Variants in VPS13A observed in about 807,000 individuals in gnomAD.
VPS13A encodes intermembrane lipid transfer protein VPS13A.
Under a neutral mutation model 390.9 loss-of-function variants are expected in VPS13A, and 264 were observed. That is an observed-to-expected ratio of 0.68 (90% CI 0.61 to 0.75). VPS13A has a LOEUF of 0.75. VPS13A is among the 30% of genes least tolerant of loss of function. The probability of loss-of-function intolerance (pLI) is 0.00; values close to 1 mark genes in which losing one functional copy is unlikely to be tolerated. For missense variants in VPS13A, 3,409 were observed against 3,733.9 expected, an observed-to-expected ratio of 0.91 and a Z score of 2.27; for synonymous variants, 1,231 against 1,227.1, an observed-to-expected ratio of 1.00 and a Z score of -0.07.
At chr9:77,202,163 T>G (rs1825368315) in intron 3 of VPS13A, among the ~76,000 whole-genome samples, 2 of 152,238 alleles carry the variant, frequency 1.3e-5, no homozygotes, top group South Asian at 4.1e-4. Context: ...ATAAAGGTCT[T>G]CATAATTATG....
At chr9:77,281,630 G>A (rs1026514228) in intron 27 of VPS13A, among the ~76,000 whole-genome samples, 3 of 151,838 alleles carry the variant, frequency 2.0e-5, no homozygotes, top group East Asian at 1.9e-4. Context: ...ATGATAGTAC[G>A]TAACATTTAT....
chr9:77,250,302 ACCTT>A (rs1825080971), intron 21 of VPS13A, 73 bp downstream of exon 21: 1 of 1,527,324 alleles, frequency 6.5e-7, no homozygotes, highest in Admixed American at 1.7e-5. Flanking sequence ...CACTTTGAAG[ACCTT>A]CCTCTTAAAT....
intron 61 of VPS13A, 126 bp from the exon 62 acceptor site, chr9:77,367,929 A>G: frequency 2.3e-6 from 2 of 861,074 alleles, no homozygotes; most frequent in South Asian, 1.5e-5. Context: ...CCTGATTGGC[A>G]TGGGAAAATG....
chr9:77,341,929 G>C (rs1830849367), intron 50 of VPS13A, among the ~76,000 whole-genome samples: 1 of 151,554 alleles, frequency 6.6e-6, no homozygotes, highest in Non-Finnish European at 1.5e-5. Flanking sequence ...GGGTATAAGG[G>C]GAAACATTAA....
intron 18 of VPS13A, 23 bp downstream of exon 18, chr9:77,238,214 A>C: frequency 6.2e-7 from 1 of 1,607,850 alleles, no homozygotes; most frequent in Non-Finnish European, 8.5e-7. Context: ...TTAAATTACT[A>C]AGTTTTAATA....
chr9:77,387,779 A>C (rs752736318), intron 68 of VPS13A, among the ~76,000 whole-genome samples: 1 of 152,244 alleles, frequency 6.6e-6, no homozygotes, highest in Non-Finnish European at 1.5e-5. Context: ...TTCAAAACAC[A>C]TATCACTGAT....
At chr9:77,229,297 C>G (rs1823692403) in intron 17 of VPS13A, among the ~76,000 whole-genome samples, 1 of 152,100 alleles carries the variant, frequency 6.6e-6, no homozygotes, top group Admixed American at 6.6e-5. Flanking sequence ...CCAGGCTGGT[C>G]TGGAGCTTGT....
chr9:77,322,916 A>G lies in VPS13A; in HGVS notation c.5831-151A>G, dbSNP rs1482806374. On this transcript the variant is annotated intron_variant, in intron 44 of 71. Coordinates refer to ENST00000360280, the MANE Select transcript of VPS13A (RefSeq NM_033305.3). The stretch of plus-strand genomic sequence containing the variant: ...CTGTGGAAATATATGCTGGCTTCTT[A>G]AAATATCCCTTTTATGGACTATATC... 3 of 615,704 alleles carry G rather than the reference A, an allele frequency of 4.9e-6. No homozygotes were observed. The African/African-American group carries it at 5.5e-5, about 11-fold the overall frequency. 38.1% of individuals were successfully genotyped at this position (615,704 alleles called of 1,614,324 possible).
chr9:77,182,168 A>G (rs1011240000), intron 1 of VPS13A, among the ~76,000 whole-genome samples: 2 of 152,158 alleles, frequency 1.3e-5, no homozygotes, highest in African/African-American at 4.8e-5. Flanking sequence ...ATCTCGGCTC[A>G]CTGCAACCTC....
rs72744208 is a variant in VPS13A at position 77,252,594 on chromosome 9, T to C, written c.2288+242T>C. ...CATCACCACCATTCATTTCCAGAAC[T>C]GTTTCTCTTCCAAACTGAAACTCTG... is the stretch of plus-strand genomic sequence containing the variant. On this transcript the variant is annotated intron_variant, in intron 22 of 71. Coordinates refer to ENST00000360280, the MANE Select transcript of VPS13A (RefSeq NM_033305.3). Among the ~76,000 whole-genome samples, 8,432 of 152,284 alleles carry C rather than the reference T, an allele frequency of 0.055. 340 individuals are homozygous for C. The highest frequency in any genetic ancestry group is 0.12 in the South Asian group (567 of 4,814).
chr9:77,234,341 T>C (rs1468373926), intron 17 of VPS13A, among the ~76,000 whole-genome samples: 1 of 152,102 alleles, frequency 6.6e-6, no homozygotes, highest in African/African-American at 2.4e-5. Flanking sequence ...CATACCTGGC[T>C]AAAGATTATT....
intron 1 of VPS13A, among the ~76,000 whole-genome samples, chr9:77,193,527 A>T (rs1824808007): frequency 1.3e-5 from 2 of 152,282 alleles, no homozygotes; most frequent in East Asian, 3.9e-4. Flanking sequence ...CTAGTTACCC[A>T]GGAAGCTGAG....
intron 35 of VPS13A, 111 bp from the exon 36 acceptor site, chr9:77,313,881 T>G (rs1044117011): frequency 2.7e-4 from 315 of 1,181,764 alleles, no homozygotes; most frequent in South Asian, 8.8e-4. Flanking sequence ...TTTTCTTGAA[T>G]GTCATTTTAC....
rs34605855 is a variant in VPS13A, at chr9:77,400,223, A to ATTTTTTTTT, written c.9190-2999_9190-2991dup. ...ATATTTTCTCATGTTTATCAGTCAG[A>ATTTTTTTTT]TTTTTTTTTTTTTTTTTTTTTTGCT... On this transcript the variant is annotated intron_variant, in intron 68 of 71. Transcript: ENST00000360280. 1.0e-3 allele frequency among the ~76,000 whole-genome samples: 90 copies of ATTTTTTTTT among 88,100 alleles called. 2 individuals carry two copies. The highest frequency in any genetic ancestry group is 4.2e-3 in the African/African-American group (83 of 19,596). 57.8% of individuals were successfully genotyped at this position (88,100 alleles called of 152,430 possible). A position where few individuals can be genotyped will look rare whatever the true frequency, so the allele number is the denominator to read the frequency against.
At chr9:77,351,586 T>C in intron 53 of VPS13A, 140 bp downstream of exon 53, 1 of 1,097,182 alleles carries the variant, frequency 9.1e-7, no homozygotes, top group Non-Finnish European at 1.4e-6. Flanking sequence ...GCCTGGCCAA[T>C]AAGGTGAAAC....
At chr9:77,312,694 T>C (rs1054066221) in intron 35 of VPS13A, among the ~76,000 whole-genome samples, 4 of 152,100 alleles carry the variant, frequency 2.6e-5, no homozygotes, top group African/African-American at 7.2e-5. Flanking sequence ...GGATTACAGG[T>C]GTGAGCCACC....
chr9:77,416,097 T>A lies in VPS13A; in HGVS notation c.*91T>A. On this transcript the variant is annotated 3_prime_UTR_variant, in exon 72 of 72. Transcript: ENST00000360280. The stretch of plus-strand genomic sequence containing the variant: ...CTGTTTGGGAAGCATATTACAGAAA[T>A]GATTTCAAGTACCCTGTATTCTGGA... The A allele has an allele frequency of 2.8e-6, 4 of 1,427,530 alleles. No homozygotes were observed. The South Asian group carries it at 4.6e-5, about 17-fold the overall frequency. The allele number at this position is 1,427,530 out of a possible 1,614,324, so 88.4% of individuals were successfully genotyped here.
At chr9:77,192,322 G>T (rs571828426) in intron 1 of VPS13A, among the ~76,000 whole-genome samples, 1 of 152,140 alleles carries the variant, frequency 6.6e-6, no homozygotes, top group Non-Finnish European at 1.5e-5. Context: ...TTTGAAGTGG[G>T]ATGTTTAGCC....
chr9:77,364,491 A>G (rs902588245), intron 59 of VPS13A, among the ~76,000 whole-genome samples: 7 of 152,170 alleles, frequency 4.6e-5, no homozygotes, highest in Non-Finnish European at 8.8e-5. Flanking sequence ...GCACTCAACC[A>G]TAACTTAACC....
Sources: allele counts gnomAD v4.1 joint callset (sites outside exome capture counted in the v4.1 genomes callset), GRCh38; gene constraint gnomAD v4.1.1; transcripts MANE v1.5; gene names NCBI Gene and HGNC (gene_info 2026-07-23, HGNC 2026-07-21).